The following ZNF69 variants were observed in gnomAD, a reference collection of about 807,000 sequenced individuals.
ZNF69 encodes the protein zinc finger protein 69.
Under a neutral mutation model 50.9 loss-of-function variants are expected in ZNF69, and 47 were observed. The ratio of observed to expected loss-of-function variants is 0.92; its 90% CI spans 0.73 to 1.18. ZNF69 has a LOEUF of 1.18. ZNF69 is among the 50% of genes most tolerant of loss of function. ZNF69 has a pLI of 0.00. For missense variants in ZNF69, 717 were observed against 675.1 expected, an observed-to-expected ratio of 1.06 and a Z score of -0.69; for synonymous variants, 216 against 223.1, an observed-to-expected ratio of 0.97 and a Z score of 0.29.
At chr19:11,924,260 G>A in the ZNF69 span, among the ~76,000 whole-genome samples, 16 of 151,602 alleles carry the variant, frequency 1.1e-4, no homozygotes, top group East Asian at 7.8e-4. Flanking sequence ...GTGAAACCCC[G>A]TCTCCACTGA....
intron 1 of ZNF69, among the ~76,000 whole-genome samples, chr19:11,900,302 T>A (rs544162734): frequency 1.8e-4 from 28 of 152,068 alleles, no homozygotes; most frequent in Non-Finnish European, 3.1e-4. Flanking sequence ...TCCTGTCATA[T>A]GTTTGTTTGC....
the ZNF69 span, among the ~76,000 whole-genome samples, chr19:11,939,409 G>A: frequency 5.3e-5 from 8 of 152,128 alleles, no homozygotes; most frequent in Admixed American, 1.3e-4. Flanking sequence ...TGTATAAGGC[G>A]TAAGGAAGGG....
At chr19:11,914,768 A>G (rs1972506806), downstream of ZNF69, among the ~76,000 whole-genome samples, 1 of 152,204 alleles carries the variant, frequency 6.6e-6, no homozygotes, top group African/African-American at 2.4e-5. Flanking sequence ...CAGGCACCAC[A>G]AGATGCAGCA....
chr19:11,914,670 G>A (rs1276674050), downstream of ZNF69, among the ~76,000 whole-genome samples: 4 of 152,060 alleles, frequency 2.6e-5, no homozygotes, highest in South Asian at 2.1e-4. Flanking sequence ...ATTATGCAAC[G>A]GCTTAGAACA....
At chr19:11,941,002 A>G in the ZNF69 span, among the ~76,000 whole-genome samples, 7 of 150,684 alleles carry the variant, frequency 4.6e-5, no homozygotes, top group Admixed American at 4.0e-4. Flanking sequence ...CGATTGGTGT[A>G]TTTACAATCC....
At chr19:11,926,294 C>T in the ZNF69 span, among the ~76,000 whole-genome samples, 1 of 152,142 alleles carries the variant, frequency 6.6e-6, no homozygotes. Flanking sequence ...ATAAGGAGAC[C>T]TGTCTCACCT....
chr19:11,913,853 G>A (rs1449498217), exon 5 of ZNF69: 2 of 153,126 alleles, frequency 1.3e-5, no homozygotes, highest in Non-Finnish European at 2.9e-5. Flanking sequence ...AGATGTATGA[G>A]AATGACACGT....
chr19:11,948,245 C>G, the ZNF69 span: 6 of 1,595,402 alleles, frequency 3.8e-6, no homozygotes, highest in Admixed American at 5.5e-5. Flanking sequence ...TGTAAACAAA[C>G]CCTTCATGAT....
chr19:11,936,694 T>TA, the ZNF69 span, among the ~76,000 whole-genome samples: 1 of 152,224 alleles, frequency 6.6e-6, no homozygotes, highest in African/African-American at 2.4e-5. Flanking sequence ...TTAGTTTAAT[T>TA]AGATCCCATT....
the ZNF69 span, among the ~76,000 whole-genome samples, chr19:11,957,237 G>A: frequency 1.3e-5 from 2 of 151,648 alleles, no homozygotes; most frequent in South Asian, 2.1e-4. Flanking sequence ...GACTACAGGC[G>A]CCCGCCACCA....
At chr19:11,963,088 A>AGAGAGAGAGAGAGTGT in the ZNF69 span, among the ~76,000 whole-genome samples, 1,147 of 138,258 alleles carry the variant, frequency 8.3e-3, 14 homozygotes, top group African/African-American at 0.033. Context: ...AGAGAGAGAG[A>AGAGAGAGAGAGAGTGT]GTGTGTGTGT....
At chr19:11,944,665 A>G in the ZNF69 span, among the ~76,000 whole-genome samples, 5 of 152,224 alleles carry the variant, frequency 3.3e-5, no homozygotes, top group African/African-American at 1.2e-4. Context: ...AATACTTGTT[A>G]TCTTCACATT....
chr19:11,917,721 G>A (rs1019235610), downstream of ZNF69, among the ~76,000 whole-genome samples: 3 of 149,976 alleles, frequency 2.0e-5, no homozygotes, highest in East Asian at 1.9e-4. Flanking sequence ...ACTGCAACTT[G>A]CCTCCCAGAT....
the ZNF69 span, among the ~76,000 whole-genome samples, chr19:11,932,786 C>T: frequency 2.7e-5 from 4 of 146,994 alleles, no homozygotes; most frequent in Non-Finnish European, 4.4e-5. Context: ...TACAGGCACC[C>T]GCCACCCCGT....
intron 1 of ZNF69, among the ~76,000 whole-genome samples, chr19:11,893,284 A>G (rs1192164895): frequency 6.6e-6 from 1 of 152,202 alleles, no homozygotes; most frequent in East Asian, 1.9e-4. Context: ...GGACCTTCGG[A>G]CACTGCATAC....
the ZNF69 span, among the ~76,000 whole-genome samples, chr19:11,961,922 T>TACACACACACACACAC: frequency 6.9e-5 from 10 of 144,974 alleles, no homozygotes; most frequent in Admixed American, 2.1e-4. Flanking sequence ...TGGCCTCTTT[T>TACACACACACACACAC]ACACACACAC....
chr19:11,903,150 G>T (rs887592447), intron 1 of ZNF69, among the ~76,000 whole-genome samples: 1 of 151,962 alleles, frequency 6.6e-6, no homozygotes, highest in Non-Finnish European at 1.5e-5. Context: ...AAAAACAACT[G>T]CTGGCCAGGC....
chr19:11,976,133 A>G, the ZNF69 span, among the ~76,000 whole-genome samples: 2 of 149,360 alleles, frequency 1.3e-5, no homozygotes, highest in Admixed American at 1.3e-4. Context: ...TTGGGTAGCT[A>G]TCTGCCTTCT....
chr19:11,925,442 G>T, the ZNF69 span, among the ~76,000 whole-genome samples: 1 of 152,186 alleles, frequency 6.6e-6, no homozygotes, highest in Non-Finnish European at 1.5e-5. Context: ...ACGGGGCTGG[G>T]CCAGCAGCCA....
Sources: gnomAD v4.1 joint callset for allele counts (sites outside exome capture counted in the v4.1 genomes callset) on GRCh38, gnomAD v4.1.1 for gene constraint, MANE v1.5 for transcripts, NCBI Gene and HGNC (gene_info 2026-07-23, HGNC 2026-07-21) for gene names.